TAF10: variants seen among roughly 807,000 people sequenced by gnomAD.
The protein encoded by TAF10 is transcription initiation factor TFIID subunit 10.
TAF10 carries 2 observed loss-of-function variants against 18.1 expected under a neutral mutation model. The ratio of observed to expected loss-of-function variants is 0.11; its 90% confidence interval spans 0.05 to 0.35. The LOEUF (loss-of-function observed/expected upper bound fraction) is 0.35. TAF10 is among the 10% of genes least tolerant of loss of function. TAF10 has a pLI of 1.00. For synonymous variants in TAF10, 158 were observed against 134.6 expected, an observed-to-expected ratio of 1.17 and a Z score of -1.20; for missense variants, 293 against 306.9, an observed-to-expected ratio of 0.95 and a Z score of 0.34.
In TAF10 at chr11:6,608,545, G is replaced by A. The variant is rs1436611271; in HGVS notation, c.*2377C>T. The A allele has an allele frequency of 2.7e-6, 4 of 1,503,270 alleles. No homozygotes were observed. The highest frequency in any genetic ancestry group is 3.7e-6 in the Non-Finnish European group (4 of 1,079,154). 93.1% of individuals were successfully genotyped at this position (1,503,270 alleles called of 1,614,324 possible). ...GGTAGGAAGTAAAGTCTGAGCCTTG[G>A]TGGGAGATTTTGGAACCCTCAACCC... On this transcript the variant is annotated 3_prime_UTR_variant, in exon 5 of 5. Coordinates refer to ENST00000299424, the MANE Select transcript of TAF10 (RefSeq NM_006284.4). The surrounding 1 kb of genome is among the most constrained non-coding windows in gnomAD (Gnocchi z 4.9).
At position 6,607,128 on chromosome 11, in the gene TAF10, T is replaced by A. The variant is rs1295556301; in HGVS notation, c.*3794A>T. 1.0e-4 allele frequency: 16 copies of A among 152,488 alleles called. No individual in the cohort carries two copies. Among genetic ancestry groups the A allele is most frequent in the Admixed American group, 1.0e-3 (16 of 15,290 alleles). 9.4% of individuals were successfully genotyped at this position (152,488 alleles called of 1,614,324 possible). ...CCACAACACTAAGGCATCCGGAGGC[T>A]GCTGGCCCAGACCACGGACCGCCCC... On this transcript the variant is annotated 3_prime_UTR_variant, in exon 5 of 5. Transcript: ENST00000299424.
In TAF10 at chr11:6,609,797, A is replaced by G; in HGVS notation, c.*1125T>C. The stretch of plus-strand genomic sequence containing the variant: ...CAAGGGGCATGGCCTTCCTACACAC[A>G]CTAGAGCCCCTCATCCCACGACATG... On this transcript the variant is annotated 3_prime_UTR_variant, in exon 5 of 5. Transcript: ENST00000299424. 1 of 1,614,092 alleles carries G rather than the reference A, an allele frequency of 6.2e-7. No homozygotes were observed. The highest frequency in any genetic ancestry group is 1.1e-5 in the South Asian group (1 of 91,086).
Position 6,609,797 on chromosome 11 carries a change from A to T in TAF10, c.*1125T>A, listed in dbSNP as rs1855316786. ...CAAGGGGCATGGCCTTCCTACACACACTAGAGCCCCTCATCCCACGACATG... is the reference window on the plus strand; with the variant it reads ...CAAGGGGCATGGCCTTCCTACACACTCTAGAGCCCCTCATCCCACGACATG... On this transcript the variant is annotated 3_prime_UTR_variant, in exon 5 of 5. Coordinates refer to ENST00000299424, the MANE Select transcript of TAF10 (RefSeq NM_006284.4). 1 of 1,613,974 alleles carries T rather than the reference A, an allele frequency of 6.2e-7. No homozygotes were observed. The highest frequency in any genetic ancestry group is 1.7e-5 in the Admixed American group (1 of 59,998).
chr11:6,609,696 G>C lies in TAF10; in HGVS notation c.*1226C>G. 1.9e-6 allele frequency: 3 copies of C among 1,614,166 alleles called. No individual in the cohort carries two copies. Among genetic ancestry groups the C allele is most frequent in the Non-Finnish European group, 2.5e-6 (3 of 1,180,014 alleles). On this transcript the variant is annotated 3_prime_UTR_variant, in exon 5 of 5. Coordinates refer to ENST00000299424, the MANE Select transcript of TAF10 (RefSeq NM_006284.4). ...GAAATGGCAGAGAGGGAGCCTCTCT[G>C]AACTATTTGACTTTTGCCTCCTCTC...
At position 6,608,771 on chromosome 11, in the gene TAF10, C is replaced by T. The variant is rs1564846192; in HGVS notation, c.*2151G>A. ...TGCCTGTGGACAAAGCCAAGGCACCCCTGAGAGAGCTTCTCCGAGGTCCAT... is the reference window on the plus strand; with the variant it reads ...TGCCTGTGGACAAAGCCAAGGCACCTCTGAGAGAGCTTCTCCGAGGTCCAT... On this transcript the variant is annotated 3_prime_UTR_variant, in exon 5 of 5. Transcript: ENST00000299424. This position sits in a 1 kb window ranked among gnomAD's most constrained non-coding sequence, Gnocchi z 4.9. 6.2e-7 allele frequency: 1 copy of T among 1,613,892 alleles called. No homozygotes were observed. The highest frequency in any genetic ancestry group is 1.3e-5 in the African/African-American group (1 of 74,894).
chr11:6,607,502 C>A lies in TAF10; in HGVS notation c.*3420G>T. 6.2e-6 allele frequency: 1 copy of A among 161,472 alleles called. No individual in the cohort carries two copies. Among genetic ancestry groups the A allele is most frequent in the Admixed American group, 5.9e-5 (1 of 16,990 alleles). 10.0% of individuals were successfully genotyped at this position (161,472 alleles called of 1,614,324 possible). ...CCATTCCATTTTTAGATGTTAGTTT[C>A]AGTACCAGAGCCAAATAGTAAGTTT... On this transcript the variant is annotated 3_prime_UTR_variant, in exon 5 of 5. Coordinates refer to ENST00000299424, the MANE Select transcript of TAF10 (RefSeq NM_006284.4).
In TAF10 at chr11:6,608,032, C is replaced by A; in HGVS notation, c.*2890G>T. The A allele has an allele frequency of 6.2e-7, 1 of 1,613,556 alleles. No individual in the cohort carries two copies. The highest frequency in any genetic ancestry group is 8.5e-7 in the Non-Finnish European group (1 of 1,179,874). ...CCCACCTCCAGCTCAATGACCATTG[C>A]CCCTTCCTCAAAGGGACGATCATGG... On this transcript the variant is annotated 3_prime_UTR_variant, in exon 5 of 5. Coordinates refer to ENST00000299424, the MANE Select transcript of TAF10 (RefSeq NM_006284.4). The surrounding 1 kb of genome is among the most constrained non-coding windows in gnomAD (Gnocchi z 4.9).
chr11:6,612,086 G>A lies in TAF10; in HGVS notation c.104C>T (p.Ser35Phe). Residue 35 changes from serine (S) to phenylalanine (F), a missense_variant, in exon 1 of 5, where the codon TCC becomes TTC. Transcript: ENST00000299424. ...GGCCTTGTTCTCCGCGGCGGTGCTG[G>A]AGGGCAGCGCGGCGGGAGCCGAGAC... The part of the protein sequence containing the change: ...PPVSAPAALP[S>F]STAAENKASP... 1 of 1,250,910 alleles carries A rather than the reference G, an allele frequency of 8.0e-7. No homozygotes were observed. The highest frequency in any genetic ancestry group is 4.3e-5 in the Admixed American group (1 of 23,478). The allele number at this position is 1,250,910 out of a possible 1,614,324, so 77.5% of individuals were successfully genotyped here.
In TAF10 at chr11:6,611,760, G is replaced by A. The variant is rs150347033; in HGVS notation, c.291C>T (p.Tyr97=). The part of the protein sequence containing the change: ...PPEGAISNGV[Y]VLPSAANGDV... ...CTCCGTTGGCCGCGCTCGGCAGTAC[G>A]TAAACCCCGTTAGATATGGCCCCCT... The change falls in exon 2 of 5, where the codon TAC becomes TAT. Residue 97 remains tyrosine (Y), a synonymous_variant. Coordinates refer to ENST00000299424, the MANE Select transcript of TAF10 (RefSeq NM_006284.4). The A allele has an allele frequency of 3.0e-3, 4,843 of 1,610,872 alleles. 18 individuals carry two copies. The highest frequency in any genetic ancestry group is 3.6e-3 in the Non-Finnish European group (4,220 of 1,178,432).
Position 6,609,950 on chromosome 11 carries a change from G to A in TAF10, c.*972C>T. 1 of 1,614,150 alleles carries A rather than the reference G, an allele frequency of 6.2e-7. No individual in the cohort carries two copies. The highest frequency in any genetic ancestry group is 8.5e-7 in the Non-Finnish European group (1 of 1,180,044). Reference sequence around the variant, plus strand: ...CTCTTCCTCAGATTGATGAGGACATGACTGCCCGAATTAGCATGGCTGATG... The same window carrying A: ...CTCTTCCTCAGATTGATGAGGACATAACTGCCCGAATTAGCATGGCTGATG... On this transcript the variant is annotated 3_prime_UTR_variant, in exon 5 of 5. Transcript: ENST00000299424.
Position 6,609,854 on chromosome 11 carries a change from A to C in TAF10, c.*1068T>G. 6.2e-7 allele frequency: 1 copy of C among 1,614,252 alleles called. No individual in the cohort carries two copies. The highest frequency in any genetic ancestry group is 8.5e-7 in the Non-Finnish European group (1 of 1,180,050). The stretch of plus-strand genomic sequence containing the variant: ...ATAGCCGTAGTGTAATGGTGAGGCC[A>C]CAAGCTCACTCCTGGCCCAGGCCCC... On this transcript the variant is annotated 3_prime_UTR_variant, in exon 5 of 5. Coordinates refer to ENST00000299424, the MANE Select transcript of TAF10 (RefSeq NM_006284.4).
chr11:6,608,694 G>A lies in TAF10; in HGVS notation c.*2228C>T, dbSNP rs2134557218. 1 of 1,613,610 alleles carries A rather than the reference G, an allele frequency of 6.2e-7. No homozygotes were observed. The highest frequency in any genetic ancestry group is 1.3e-5 in the African/African-American group (1 of 75,000). ...CATCATAATGGCCTTTTCATTCCAG[G>A]ACCTGGTGGCAAATGGGGCCCTTGT... On this transcript the variant is annotated 3_prime_UTR_variant, in exon 5 of 5. Transcript: ENST00000299424. The surrounding 1 kb of genome is among the most constrained non-coding windows in gnomAD (Gnocchi z 4.9).
At position 6,609,479 on chromosome 11, in the gene TAF10, T is replaced by C; in HGVS notation, c.*1443A>G. The C allele has an allele frequency of 6.2e-7, 1 of 1,614,136 alleles. No homozygotes were observed. Among genetic ancestry groups the C allele is most frequent in the Non-Finnish European group, 8.5e-7 (1 of 1,180,006 alleles). On this transcript the variant is annotated 3_prime_UTR_variant, in exon 5 of 5. Transcript: ENST00000299424. Reference sequence around the variant, plus strand: ...GAATAGCACTGAAAGAGATCTTTTGTACTGGGTCTCAACCACTCCCTCCCT... The same window carrying C: ...GAATAGCACTGAAAGAGATCTTTTGCACTGGGTCTCAACCACTCCCTCCCT...
In TAF10 at chr11:6,611,781, C is replaced by T. The variant is rs1312103553; in HGVS notation, c.270G>A (p.Gly90=). The change falls in exon 2 of 5, where the codon GGG becomes GGA. Residue 90 remains glycine, a synonymous_variant. Coordinates refer to ENST00000299424, the MANE Select transcript of TAF10 (RefSeq NM_006284.4). ...GTACGTAAACCCCGTTAGATATGGC[C>T]CCCTCCGGGGGCGCCGCGCCACCCG... ...VSAGGAAPPE[G]AISNGVYVLP... is the part of the protein sequence containing the mutation. The T allele has an allele frequency of 2.5e-6, 4 of 1,605,946 alleles. No homozygotes were observed. The highest frequency in any genetic ancestry group is 3.4e-6 in the Non-Finnish European group (4 of 1,175,942).
chr11:6,609,185 C>T lies in TAF10; in HGVS notation c.*1737G>A. The stretch of plus-strand genomic sequence containing the variant: ...ACCCCTGCCCTTCTTGCCCTTCCCT[C>T]ACTAAACCCCCATAAATTACTTGCT... On this transcript the variant is annotated 3_prime_UTR_variant, in exon 5 of 5. Coordinates refer to ENST00000299424, the MANE Select transcript of TAF10 (RefSeq NM_006284.4). The T allele has an allele frequency of 4.4e-6, 7 of 1,602,204 alleles. No homozygotes were observed. In the South Asian group the frequency reaches 4.4e-5, roughly 10 times the overall value.
In TAF10 at chr11:6,608,140, G is replaced by A. The variant is rs768146142; in HGVS notation, c.*2782C>T. On this transcript the variant is annotated 3_prime_UTR_variant, in exon 5 of 5. Coordinates refer to ENST00000299424, the MANE Select transcript of TAF10 (RefSeq NM_006284.4). The surrounding 1 kb of genome is among the most constrained non-coding windows in gnomAD (Gnocchi z 4.9). ...GATCATGCGGGGGGCACGGATCAAT[G>A]TAATGAACCGTGGGGATGACACCCC... The A allele has an allele frequency of 2.5e-5, 41 of 1,613,966 alleles. No individual in the cohort carries two copies. In the Admixed American group the frequency reaches 3.3e-4, roughly 13 times the overall value.
At position 6,609,045 on chromosome 11, in the gene TAF10, G is replaced by C. The variant is rs1855226608; in HGVS notation, c.*1877C>G. 6.2e-7 allele frequency: 1 copy of C among 1,612,328 alleles called. No homozygotes were observed. Among genetic ancestry groups the C allele is most frequent in the African/African-American group, 1.3e-5 (1 of 74,948 alleles). On this transcript the variant is annotated 3_prime_UTR_variant, in exon 5 of 5. Transcript: ENST00000299424. ...TTGGGGCTGGGTTAGGGTGAAGCTG[G>C]GTACCTGACCTGCCCACACTCTTAG...
Position 6,611,530 on chromosome 11 carries a change from C to T in TAF10, c.388-78G>A. On this transcript the variant is annotated intron_variant, in intron 2 of 4. Coordinates refer to ENST00000299424, the MANE Select transcript of TAF10 (RefSeq NM_006284.4). ...ATGGATAGGCCTGATTATCAGGAAG[C>T]TCACAGTTTGGGTGAGCAGAGGGCA... is the stretch of plus-strand genomic sequence containing the variant. 2.5e-6 allele frequency: 4 copies of T among 1,602,064 alleles called. No individual in the cohort carries two copies. The South Asian group carries it at 4.4e-5, about 18-fold the overall frequency.
In TAF10 at chr11:6,610,669, C is replaced by A; in HGVS notation, c.*253G>T. ...GTCGGGACATGGTTGGGGGAATGCACCTCCCCAAAGCAGCAGGCCTCTGGT... is the reference window on the plus strand; with the variant it reads ...GTCGGGACATGGTTGGGGGAATGCAACTCCCCAAAGCAGCAGGCCTCTGGT... On this transcript the variant is annotated 3_prime_UTR_variant, in exon 5 of 5. Coordinates refer to ENST00000299424, the MANE Select transcript of TAF10 (RefSeq NM_006284.4). The A allele has an allele frequency of 6.2e-7, 1 of 1,602,306 alleles. No individual in the cohort carries two copies. Among genetic ancestry groups the A allele is most frequent in the Non-Finnish European group, 8.5e-7 (1 of 1,170,134 alleles).
Sources: gnomAD v4.1 joint callset for allele counts on GRCh38, gnomAD v4.1.1 for gene constraint, Gnocchi (gnomAD v3.1) non-coding constraint, MANE v1.5 for transcripts, NCBI Gene and HGNC (gene_info 2026-07-23, HGNC 2026-07-21) for gene names.